The following KCNQ5 variants were observed in gnomAD, a reference collection of about 807,000 sequenced individuals.
KCNQ5 encodes potassium voltage-gated channel subfamily Q member 5.
KCNQ5 carries 30 observed loss-of-function variants against 98.2 expected under a neutral mutation model. That is an observed-to-expected ratio of 0.31 (90% CI 0.23 to 0.41). The LOEUF is 0.41. Ranked by LOEUF, KCNQ5 falls within the 10% of genes least tolerant of loss-of-function variation. The pLI is 1.00. For missense variants in KCNQ5, 835 were observed against 1,182.5 expected (o/e 0.71, Z 4.31); for synonymous variants, 458 against 449.4 (o/e 1.02, Z -0.24).
chr6:73,182,806 A>G (rs921937010), intron 11 of KCNQ5, among the ~76,000 whole-genome samples: 2 of 152,228 alleles, frequency 1.3e-5, no homozygotes, highest in Admixed American at 6.5e-5. Context: ...TATATTACAT[A>G]TATTTGCTGG....
At chr6:72,800,719 G>A (rs1245958933) in intron 1 of KCNQ5, among the ~76,000 whole-genome samples, 1 of 152,122 alleles carries the variant, frequency 6.6e-6, no homozygotes, top group Non-Finnish European at 1.5e-5. Context: ...TGTGATGTTA[G>A]GGTGTCAATT....
intron 2 of KCNQ5, among the ~76,000 whole-genome samples, chr6:73,041,203 G>T (rs2150357042): frequency 6.6e-6 from 1 of 152,234 alleles, no homozygotes; most frequent in Non-Finnish European, 1.5e-5. Flanking sequence ...ACTGTTTAAT[G>T]AGCCACTCTA....
chr6:72,964,194 C>T (rs1273753075), intron 1 of KCNQ5, among the ~76,000 whole-genome samples: 2 of 152,148 alleles, frequency 1.3e-5, no homozygotes, highest in African/African-American at 2.4e-5. Flanking sequence ...ACTCAGTAAA[C>T]GTAATTGTGC....
intron 1 of KCNQ5, among the ~76,000 whole-genome samples, chr6:72,698,491 C>T (rs1454094520): frequency 6.6e-6 from 1 of 152,062 alleles, no homozygotes. Context: ...GTGTGAGCCA[C>T]CGCACCTGGC....
chr6:72,797,912 T>C (rs1303748960), intron 1 of KCNQ5, among the ~76,000 whole-genome samples: 3 of 152,194 alleles, frequency 2.0e-5, no homozygotes, highest in African/African-American at 7.2e-5. Flanking sequence ...AATTCTTAAA[T>C]GGCTCAAATA....
chr6:72,829,086 T>C (rs918725549), intron 1 of KCNQ5, among the ~76,000 whole-genome samples: 4 of 152,106 alleles, frequency 2.6e-5, no homozygotes, highest in South Asian at 2.1e-4. Context: ...TTGACTGTGG[T>C]GTGGCCCACA....
intron 1 of KCNQ5, among the ~76,000 whole-genome samples, chr6:72,974,808 C>T (rs975960028): frequency 8.6e-5 from 13 of 151,738 alleles, no homozygotes; most frequent in South Asian, 2.1e-4. Context: ...GGCACCATCT[C>T]GGCTCACTGC....
At chr6:72,895,221 G>A (rs1332687055) in intron 1 of KCNQ5, among the ~76,000 whole-genome samples, 7 of 150,802 alleles carry the variant, frequency 4.6e-5, no homozygotes, top group East Asian at 1.9e-4. Flanking sequence ...CCCAGGAGGC[G>A]GAGCTTGCAG....
intron 1 of KCNQ5, among the ~76,000 whole-genome samples, chr6:72,791,465 T>C (rs747204528): frequency 3.9e-5 from 6 of 152,120 alleles, no homozygotes; most frequent in Non-Finnish European, 7.4e-5. Flanking sequence ...TGGGAAAACA[T>C]TAAAAATATT....
chr6:72,690,149 C>G (rs1582119804), intron 1 of KCNQ5, among the ~76,000 whole-genome samples: 1 of 151,906 alleles, frequency 6.6e-6, no homozygotes, highest in African/African-American at 2.4e-5. Context: ...GGCGGATGCT[C>G]TAGTCCTAGC....
intron 1 of KCNQ5, among the ~76,000 whole-genome samples, chr6:72,665,076 G>GGTGTCTCA (rs201753586): frequency 0.013 from 2,018 of 152,156 alleles, 34 homozygotes; most frequent in African/African-American, 0.042. Context: ...GCCTGGGTGT[G>GGTGTCTCA]GTGTCTCACG....
chr6:73,094,265 C>T (rs1261022205), intron 5 of KCNQ5, among the ~76,000 whole-genome samples: 1 of 152,108 alleles, frequency 6.6e-6, no homozygotes. Flanking sequence ...TTTTTCCACA[C>T]CTTTACCTTA....
At chr6:72,787,004 CAAAAAAAAAAAAA>C (rs1045803750) in intron 1 of KCNQ5, among the ~76,000 whole-genome samples, 9 of 50,438 alleles carry the variant, frequency 1.8e-4, no homozygotes, top group African/African-American at 3.8e-4. Context: ...GACTCTGTCT[CAAAAAAAAAAAAA>C]AAAAAAAAAA....
intron 1 of KCNQ5, among the ~76,000 whole-genome samples, chr6:72,933,603 T>G (rs771044733): frequency 1.3e-5 from 2 of 152,238 alleles, no homozygotes; most frequent in African/African-American, 2.4e-5. Flanking sequence ...TCTAGTGAGT[T>G]GACCATTACT....
At chr6:72,664,300 T>C (rs548510224) in intron 1 of KCNQ5, among the ~76,000 whole-genome samples, 21 of 152,306 alleles carry the variant, frequency 1.4e-4, no homozygotes, top group Non-Finnish European at 2.6e-4. Context: ...CCTTGACAAA[T>C]AACAAAATGT....
intron 1 of KCNQ5, among the ~76,000 whole-genome samples, chr6:72,889,619 A>C (rs1350626660): frequency 1.3e-5 from 2 of 152,202 alleles, no homozygotes; most frequent in Admixed American, 1.3e-4. Context: ...TTCAGCAGCA[A>C]AATCAGTCTA....
chr6:73,194,758 C>G lies in KCNQ5; in HGVS notation c.2143C>G (p.Gln715Glu). ...LSPTMHSQAT[Q>E]VPISQSDGSA... is the part of the protein sequence containing the mutation. ...CCCTACTATGCACAGTCAAGCAACA[C>G]AGGTGCCAATTAGTCAAAGCGATGG... Residue 715 changes from glutamine to glutamate, a missense_variant, in exon 14 of 14, where the codon CAG (glutamine) becomes GAG (glutamate). Around this residue, in one of 10 missense-constraint regions of KCNQ5, gnomAD observed 416 missense variants for 446.9 expected, o/e 0.93. Transcript: ENST00000370398. 1 of 1,614,266 alleles carries G rather than the reference C, an allele frequency of 6.2e-7. No homozygotes were observed. Among genetic ancestry groups the G allele is most frequent in the Non-Finnish European group, 8.5e-7 (1 of 1,180,038 alleles).
At chr6:72,846,948 C>T (rs1047101054) in intron 1 of KCNQ5, among the ~76,000 whole-genome samples, 1 of 151,948 alleles carries the variant, frequency 6.6e-6, no homozygotes, top group Non-Finnish European at 1.5e-5. Flanking sequence ...AAAAAGACCC[C>T]CAAAACAGGC....
chr6:73,115,452 C>G (rs1775451535), intron 7 of KCNQ5, among the ~76,000 whole-genome samples: 1 of 152,068 alleles, frequency 6.6e-6, no homozygotes, highest in South Asian at 2.1e-4. Flanking sequence ...AAGTGTCCAG[C>G]ACTGTGAACC....
Sources: allele counts gnomAD v4.1 joint callset (sites outside exome capture counted in the v4.1 genomes callset), GRCh38; gene constraint gnomAD v4.1.1; regional missense constraint gnomAD v4.1.1; transcripts MANE v1.5; gene names NCBI Gene and HGNC (gene_info 2026-07-23, HGNC 2026-07-21).